MARCHF11: variants seen among roughly 807,000 people sequenced by gnomAD.
The protein encoded by MARCHF11 is E3 ubiquitin-protein ligase MARCHF11.
In MARCHF11, 29 loss-of-function variants were observed where a neutral mutation model predicts 37.3. The observed-to-expected ratio is 0.78, with a 90% confidence interval of 0.58 to 1.06. The LOEUF (loss-of-function observed/expected upper bound fraction) is 1.06, where lower values mean the gene tolerates loss of function less well. MARCHF11 is among the 50% of genes least tolerant of loss of function. The probability of loss-of-function intolerance (pLI) is 0.00; values close to 1 mark genes in which losing one functional copy is unlikely to be tolerated. For synonymous variants in MARCHF11, 233 were observed against 228.0 expected (o/e 1.02, Z -0.20); for missense variants, 482 against 533.4 (o/e 0.90, Z 0.95).
At chr5:16,072,652 T>A (rs972663020) in intron 3 of MARCHF11, among the ~76,000 whole-genome samples, 2 of 152,090 alleles carry the variant, frequency 1.3e-5, no homozygotes, top group East Asian at 3.9e-4. Flanking sequence ...TGGCCAAATA[T>A]CTGCCACAAG....
chr5:16,086,994 G>T (rs150403454), intron 3 of MARCHF11, among the ~76,000 whole-genome samples: 87 of 152,272 alleles, frequency 5.7e-4, no homozygotes, highest in African/African-American at 1.9e-3. Context: ...TTAGTGGGAA[G>T]CCAACATGAG....
intron 2 of MARCHF11, among the ~76,000 whole-genome samples, chr5:16,142,682 A>C (rs1272504481): frequency 1.7e-5 from 2 of 119,768 alleles, no homozygotes. Flanking sequence ...CACTTCTTAT[A>C]TTTTATCTTT....
intron 3 of MARCHF11, among the ~76,000 whole-genome samples, chr5:16,077,367 C>A (rs576155079): frequency 2.0e-5 from 3 of 151,556 alleles, no homozygotes; most frequent in African/African-American, 4.9e-5. Flanking sequence ...CAAAAAAAAA[C>A]GATTTTAATA....
intron 2 of MARCHF11, among the ~76,000 whole-genome samples, chr5:16,136,620 TG>T (rs1315945375): frequency 6.6e-6 from 1 of 152,114 alleles, no homozygotes; most frequent in Non-Finnish European, 1.5e-5. Flanking sequence ...AATGTAGAAA[TG>T]GGGTAACTAA....
intron 2 of MARCHF11, among the ~76,000 whole-genome samples, chr5:16,122,968 G>A (rs1333541009): frequency 6.6e-6 from 1 of 152,182 alleles, no homozygotes; most frequent in East Asian, 1.9e-4. Context: ...CTTTCTTTCA[G>A]TGTTGATGCT....
intron 3 of MARCHF11, among the ~76,000 whole-genome samples, chr5:16,088,824 C>T (rs940418927): frequency 2.6e-5 from 4 of 151,798 alleles, no homozygotes; most frequent in Non-Finnish European, 4.4e-5. Flanking sequence ...TGAAAAGTGC[C>T]GTCAATATTT....
chr5:16,167,833 A>G (rs967947003), intron 2 of MARCHF11, among the ~76,000 whole-genome samples: 6 of 152,122 alleles, frequency 3.9e-5, no homozygotes, highest in Non-Finnish European at 7.4e-5. Context: ...TCGGCCTAGA[A>G]CAGTGTCTGC....
In MARCHF11 at chr5:16,089,487, A is replaced by G. The variant is rs193218421; in HGVS notation, c.886+1402T>C. On this transcript the variant is annotated intron_variant, in intron 3 of 3. Coordinates refer to ENST00000332432, the MANE Select transcript of MARCHF11 (RefSeq NM_001102562.3). ...TCAATTATTCCGGCAACATCTCTTC[A>G]GTTTATATATTATTCAAAACATTTC... Among the ~76,000 whole-genome samples, 141 of 152,240 alleles carry G rather than the reference A, an allele frequency of 9.3e-4. 1 individual carries two copies. Among genetic ancestry groups the G allele is most frequent in the African/African-American group, 3.2e-3 (134 of 41,546 alleles).
At chr5:16,077,453 T>C (rs540599451) in intron 3 of MARCHF11, among the ~76,000 whole-genome samples, 2 of 152,284 alleles carry the variant, frequency 1.3e-5, no homozygotes, top group African/African-American at 4.8e-5. Context: ...AAGATCTAAA[T>C]TGAAATGTCT....
chr5:16,173,835 A>G (rs1243411302), intron 2 of MARCHF11, among the ~76,000 whole-genome samples: 1 of 152,178 alleles, frequency 6.6e-6, no homozygotes, highest in East Asian at 1.9e-4. Context: ...CATTTCACAC[A>G]TATTTATGTG....
intron 2 of MARCHF11, among the ~76,000 whole-genome samples, chr5:16,138,092 TA>T (rs1233538213): frequency 1.3e-5 from 2 of 152,162 alleles, no homozygotes; most frequent in Admixed American, 1.3e-4. Flanking sequence ...TTTGCATAAG[TA>T]ACAAGGAGCC....
intron 2 of MARCHF11, among the ~76,000 whole-genome samples, chr5:16,135,424 A>T (rs1222471726): frequency 1.3e-5 from 2 of 152,214 alleles, no homozygotes; most frequent in Admixed American, 6.5e-5. Flanking sequence ...AATTTAAAAA[A>T]TCAAAAAAAC....
chr5:16,177,530 G>A (rs1012125556), intron 2 of MARCHF11, among the ~76,000 whole-genome samples, 196 bp downstream of exon 2: 2 of 152,162 alleles, frequency 1.3e-5, no homozygotes, highest in African/African-American at 4.8e-5. Context: ...CGATTAAAAT[G>A]TCTTTTGAGT....
At chr5:16,071,286 A>G (rs2126543060) in intron 3 of MARCHF11, among the ~76,000 whole-genome samples, 1 of 152,354 alleles carries the variant, frequency 6.6e-6, no homozygotes, top group South Asian at 2.1e-4. Context: ...CAGCATGGAT[A>G]TAAAAAATGT....
chr5:16,139,952 T>C (rs1228412678), intron 2 of MARCHF11, among the ~76,000 whole-genome samples: 1 of 152,126 alleles, frequency 6.6e-6, no homozygotes, highest in African/African-American at 2.4e-5. Flanking sequence ...ATTACAAAAG[T>C]AGAAATTAAA....
In MARCHF11 at chr5:16,109,203, C is replaced by T. The variant is rs750050735; in HGVS notation, c.694-18122G>A. Reference sequence around the variant, plus strand: ...TAGAACCCTTGGAATCTTCAAAGTGCTAAATGTCTTCTGTACACTAATAAG... The same window carrying T: ...TAGAACCCTTGGAATCTTCAAAGTGTTAAATGTCTTCTGTACACTAATAAG... On this transcript the variant is annotated intron_variant, in intron 2 of 3. Coordinates refer to ENST00000332432, the MANE Select transcript of MARCHF11 (RefSeq NM_001102562.3). Among the ~76,000 whole-genome samples the T allele has an allele frequency of 4.6e-5, 7 of 151,850 alleles. No homozygotes were observed. In the East Asian group the frequency reaches 1.4e-3, roughly 30 times the overall value.
intron 2 of MARCHF11, among the ~76,000 whole-genome samples, chr5:16,125,485 G>A (rs968271929): frequency 7.2e-5 from 11 of 152,162 alleles, no homozygotes; most frequent in African/African-American, 2.2e-4. Flanking sequence ...TCCCAGTAAT[G>A]TTTGGGGCTG....
chr5:16,155,852 T>G (rs1460559269), intron 2 of MARCHF11, among the ~76,000 whole-genome samples: 1 of 151,878 alleles, frequency 6.6e-6, no homozygotes, highest in Non-Finnish European at 1.5e-5. Context: ...CAAACGATAA[T>G]AAATGTGCTT....
At chr5:16,098,162 C>A (rs1736901227) in intron 2 of MARCHF11, among the ~76,000 whole-genome samples, 2 of 152,232 alleles carry the variant, frequency 1.3e-5, no homozygotes, top group African/African-American at 4.8e-5. Flanking sequence ...AACATCCTAA[C>A]CTGAAAAGGG....
Sources: allele counts gnomAD v4.1 joint callset (sites outside exome capture counted in the v4.1 genomes callset), GRCh38; gene constraint gnomAD v4.1.1; transcripts MANE v1.5; gene names NCBI Gene and HGNC (gene_info 2026-07-23, HGNC 2026-07-21).